Variants in AGPAT3 observed in about 807,000 individuals in gnomAD.
AGPAT3 encodes 1-acyl-sn-glycerol-3-phosphate acyltransferase gamma.
A neutral mutation model predicts 47.3 loss-of-function variants in AGPAT3; 5 were observed. The observed-to-expected ratio is 0.11, with a 90% confidence interval of 0.06 to 0.22. The LOEUF (loss-of-function observed/expected upper bound fraction) is 0.22, where lower values mean the gene tolerates loss of function less well. Among genes scored for constraint, AGPAT3 ranks in the 10% least tolerant of loss-of-function variants. The pLI is 1.00. For synonymous variants in AGPAT3, 212 were observed against 208.3 expected (o/e 1.02, Z -0.15); for missense variants, 315 against 493.0 (o/e 0.64, Z 3.42).
intron 8 of AGPAT3, among the ~76,000 whole-genome samples, chr21:43,980,425 G>A (rs897538724): frequency 1.3e-5 from 2 of 152,222 alleles, no homozygotes; most frequent in African/African-American, 4.8e-5. Context: ...CTGCCAGCCT[G>A]TGCCTTTGAC....
At chr21:43,966,371 G>A (rs1164302667) in intron 3 of AGPAT3, 1 of 152,314 alleles carries the variant, frequency 6.6e-6, no homozygotes, top group African/African-American at 2.4e-5. Flanking sequence ...GTGAGCCAGC[G>A]GTGGGGGCGC....
chr21:43,892,531 T>C (rs1396949005), intron 1 of AGPAT3, among the ~76,000 whole-genome samples: 3 of 152,212 alleles, frequency 2.0e-5, no homozygotes, highest in African/African-American at 7.2e-5. Context: ...TAAACCATGC[T>C]GTAAGCAGGT....
intron 2 of AGPAT3, among the ~76,000 whole-genome samples, chr21:43,915,663 T>C (rs763804027): frequency 9.9e-5 from 15 of 151,924 alleles, no homozygotes; most frequent in Non-Finnish European, 1.8e-4. Flanking sequence ...CCACCCGCGT[T>C]GGTCTCCCAG....
rs1055658742 is a variant in AGPAT3 at position 43,908,422 on chromosome 21, T to G, written c.-49+4403T>G. Among the ~76,000 whole-genome samples the G allele has an allele frequency of 6.6e-6, 1 of 152,278 alleles. No homozygotes were observed. Among genetic ancestry groups the G allele is most frequent in the Admixed American group, 6.5e-5 (1 of 15,304 alleles). On this transcript the variant is annotated intron_variant, in intron 2 of 9. Transcript: ENST00000291572. This position sits in a 1 kb window ranked among gnomAD's most constrained non-coding sequence, Gnocchi z 4.9. ...AGGTGTCCCGATCAGGGGGAGCACA[T>G]GGGCTGGGAACTTGTGGAACCCGGT...
In AGPAT3 at chr21:43,981,091, A is replaced by G. The variant is rs1236539662; in HGVS notation, c.946A>G (p.Thr316Ala). Reference sequence around the variant, plus strand: ...CCTCCTGAACTTCCTGTCCTGGGCCACCATTCTCCTGTCTCCCCTCTTCAG... The same window carrying G: ...CCTCCTGAACTTCCTGTCCTGGGCCGCCATTCTCCTGTCTCCCCTCTTCAG... ...WTLLNFLSWA[T>A]ILLSPLFSFV... Residue 316 changes from threonine (T) to alanine (A), a missense_variant, in exon 9 of 10, where the codon ACC becomes GCC. Transcript: ENST00000291572. This position sits in a 1 kb window ranked among gnomAD's most constrained non-coding sequence, Gnocchi z 5.3. 1 of 1,613,998 alleles carries G rather than the reference A, an allele frequency of 6.2e-7. No individual in the cohort carries two copies. The highest frequency in any genetic ancestry group is 8.5e-7 in the Non-Finnish European group (1 of 1,180,022).
Position 43,986,891 on chromosome 21 carries a change from A to C in AGPAT3, c.*4499A>C, listed in dbSNP as rs2147025061. ...GCTACTCACAAGCTTTATGTAGTGG[A>C]GGATAGAGGTATTTTTGGTCTTTAG... is the stretch of plus-strand genomic sequence containing the variant. On this transcript the variant is annotated 3_prime_UTR_variant, in exon 10 of 10. Coordinates refer to ENST00000291572, the MANE Select transcript of AGPAT3 (RefSeq NM_020132.5). Among the ~76,000 whole-genome samples, 1 of 152,264 alleles carries C rather than the reference A, an allele frequency of 6.6e-6. No individual in the cohort carries two copies. Among genetic ancestry groups the C allele is most frequent in the Non-Finnish European group, 1.5e-5 (1 of 68,022 alleles).
chr21:43,971,587 T>C (rs1792572366), intron 7 of AGPAT3, 97 bp downstream of exon 7: 2 of 1,128,464 alleles, frequency 1.8e-6, no homozygotes, highest in Non-Finnish European at 2.6e-6. Context: ...AGGCCCCACG[T>C]CCCACAGCCC....
At chr21:43,903,061 G>C (rs1601258765) in intron 1 of AGPAT3, among the ~76,000 whole-genome samples, 1 of 152,178 alleles carries the variant, frequency 6.6e-6, no homozygotes, top group South Asian at 2.1e-4. Context: ...GTCTGTAGTG[G>C]AATATTATCC....
At chr21:43,892,407 C>T (rs1263003220) in intron 1 of AGPAT3, among the ~76,000 whole-genome samples, 1 of 152,154 alleles carries the variant, frequency 6.6e-6, no homozygotes, top group Non-Finnish European at 1.5e-5. Context: ...TCTCCTTGTG[C>T]ATCTCCCCCA....
intron 2 of AGPAT3, among the ~76,000 whole-genome samples, chr21:43,937,278 A>G (rs2087481555): frequency 6.6e-6 from 1 of 152,236 alleles, no homozygotes; most frequent in African/African-American, 2.4e-5. Context: ...TGAGTCCCAA[A>G]GGCCCACTGG....
intron 8 of AGPAT3, among the ~76,000 whole-genome samples, chr21:43,980,098 T>C (rs1482861089): frequency 2.0e-5 from 3 of 151,630 alleles, no homozygotes; most frequent in Admixed American, 6.6e-5. Flanking sequence ...CTGGCCAACA[T>C]GGTGAAACCC....
chr21:43,915,131 T>C (rs986813011), intron 2 of AGPAT3, among the ~76,000 whole-genome samples: 2 of 152,122 alleles, frequency 1.3e-5, no homozygotes, highest in Non-Finnish European at 2.9e-5. Context: ...CAGTCTTGGC[T>C]CACTGCAACC....
At chr21:43,916,426 G>A (rs769939644) in intron 2 of AGPAT3, 5 of 152,040 alleles carry the variant, frequency 3.3e-5, no homozygotes, top group Admixed American at 6.6e-5. Flanking sequence ...TATTTGGTAC[G>A]AACATATCGA....
chr21:43,928,865 C>T (rs2087144136), intron 2 of AGPAT3, among the ~76,000 whole-genome samples: 1 of 152,200 alleles, frequency 6.6e-6, no homozygotes, highest in Admixed American at 6.5e-5. Context: ...ATCCCCACAC[C>T]AATCCTCTTT....
intron 1 of AGPAT3, among the ~76,000 whole-genome samples, chr21:43,871,130 G>A (rs2085615853): frequency 6.6e-6 from 1 of 152,214 alleles, no homozygotes; most frequent in Admixed American, 6.5e-5. Context: ...TACAGTCTCT[G>A]GGCTACAGTA....
chr21:43,896,943 GTTTTTT>G (rs61657564), intron 1 of AGPAT3, among the ~76,000 whole-genome samples: 1 of 42,322 alleles, frequency 2.4e-5, no homozygotes, highest in African/African-American at 1.1e-4. Flanking sequence ...TTGACAGTCC[GTTTTTT>G]TTTTTTTTTT....
At chr21:43,980,793 G>A (rs546599613) in intron 8 of AGPAT3, among the ~76,000 whole-genome samples, 196 bp from the exon 9 acceptor site, 1 of 152,278 alleles carries the variant, frequency 6.6e-6, no homozygotes, top group South Asian at 2.1e-4. Context: ...GCGAGCTCTC[G>A]ATGCACGCTA....
In AGPAT3 at chr21:43,930,368, C is replaced by T. The variant is rs756890607; in HGVS notation, c.-49+26349C>T. 2.4e-4 allele frequency among the ~76,000 whole-genome samples: 37 copies of T among 152,118 alleles called. No individual in the cohort carries two copies. The highest frequency in any genetic ancestry group is 5.6e-4 in the African/African-American group (23 of 41,402). ...TTATTTTCAGAGGCAGTGGAGCTAG[C>T]GGGGCAGAGCTGTGCTGAGCGCTGA... On this transcript the variant is annotated intron_variant, in intron 2 of 9. Transcript: ENST00000291572. This position sits in a 1 kb window ranked among gnomAD's most constrained non-coding sequence, Gnocchi z 5.0.
At chr21:43,957,611 GTCTCGGGTTTCCCCCTGCACACAGGGA>G (rs2088543008) in intron 2 of AGPAT3, among the ~76,000 whole-genome samples, 7 of 142,036 alleles carry the variant, frequency 4.9e-5, no homozygotes, top group South Asian at 2.3e-4. Flanking sequence ...CCACGCGGGG[GTCTCGGGTTTCCCCCTGCACACAGGGA>G]TCTCGGGTTT....
Sources: allele counts gnomAD v4.1 joint callset (sites outside exome capture counted in the v4.1 genomes callset), GRCh38; gene constraint gnomAD v4.1.1; non-coding constraint Gnocchi (gnomAD v3.1); transcripts MANE v1.5; gene names NCBI Gene and HGNC (gene_info 2026-07-23, HGNC 2026-07-21).